CFI: variants seen among roughly 807,000 people sequenced by gnomAD.
CFI encodes C3B/C4B inactivator.
Under a neutral mutation model 78.8 loss-of-function variants are expected in CFI, and 66 were observed. That is an observed-to-expected ratio of 0.84 (90% CI 0.69 to 1.03). The LOEUF is 1.03. Among genes scored for constraint, CFI ranks in the 50% least tolerant of loss-of-function variants. CFI has a pLI of 0.00. For missense variants in CFI, 706 were observed against 704.5 expected, an observed-to-expected ratio of 1.00 and a Z score of -0.02; for synonymous variants, 250 against 232.6, an observed-to-expected ratio of 1.07 and a Z score of -0.68.
intron 7 of CFI, among the ~76,000 whole-genome samples, chr4:109,753,711 T>C (rs1479694712): frequency 9.2e-5 from 11 of 119,246 alleles, no homozygotes; most frequent in Admixed American, 2.0e-4. Flanking sequence ...TTATATTATA[T>C]ATTATATAAT....
intron 2 of CFI, 128 bp downstream of exon 2, chr4:109,766,426 T>C: frequency 2.0e-6 from 2 of 1,019,554 alleles, no homozygotes; most frequent in Non-Finnish European, 3.0e-6. Context: ...CAATTATTAT[T>C]GAGAGTCTAG....
chr4:109,778,724 A>T (rs951066221), intron 1 of CFI, among the ~76,000 whole-genome samples: 3 of 152,224 alleles, frequency 2.0e-5, no homozygotes, highest in Admixed American at 6.5e-5. Flanking sequence ...CTGATGCAAA[A>T]ATCCTCAATA....
chr4:109,764,621 T>G lies in CFI; in HGVS notation c.398A>C (p.Asp133Ala). ...GCATATGAACATTGTCTTATCTTGGTCCACAAGTTTTACTTCAACTATTCC... is the reference window on the plus strand; with the variant it reads ...GCATATGAACATTGTCTTATCTTGGGCCACAAGTTTTACTTCAACTATTCC... ...SEGIVEVKLV[D>A]QDKTMFICKS... Residue 133 changes from aspartate to alanine, a missense_variant, in exon 3 of 13, where the codon GAC (aspartate) becomes GCC (alanine). Physicochemically the swap from Asp to Ala is moderately radical, Grantham distance 126 (BLOSUM62 -2). Coordinates refer to ENST00000394634, the MANE Select transcript of CFI (RefSeq NM_000204.5). The G allele has an allele frequency of 1.2e-6, 2 of 1,614,110 alleles. No homozygotes were observed. Among genetic ancestry groups the G allele is most frequent in the Non-Finnish European group, 1.7e-6 (2 of 1,179,990 alleles).
At chr4:109,731,219 A>C in the CFI span, among the ~76,000 whole-genome samples, 1 of 151,990 alleles carries the variant, frequency 6.6e-6, no homozygotes, top group Non-Finnish European at 1.5e-5. Context: ...GGTGGCGGGC[A>C]CCTGTAATCC....
chr4:109,767,674 A>C (rs1179325980), intron 1 of CFI, among the ~76,000 whole-genome samples: 23 of 149,592 alleles, frequency 1.5e-4, no homozygotes, highest in Admixed American at 1.5e-3. Context: ...ACACTTTTAC[A>C]CTGTTGGTGG....
chr4:109,799,479 C>A (rs1406671836), intron 1 of CFI, among the ~76,000 whole-genome samples: 1 of 152,040 alleles, frequency 6.6e-6, no homozygotes, highest in African/African-American at 2.4e-5. Context: ...GTTTGCTGCA[C>A]CAGAGTTAGG....
rs1023416359 is a variant in CFI, at chr4:109,746,299, G to C, written c.1352C>G (p.Pro451Arg). 1 of 1,614,054 alleles carries C rather than the reference G, an allele frequency of 6.2e-7. No homozygotes were observed. Among genetic ancestry groups the C allele is most frequent in the African/African-American group, 1.3e-5 (1 of 74,934 alleles). ...GTAAGGAGACCAGGGGACACAGGCA[G>C]GGATGGAACGAGGCAGCTCACAATC... ...KKDCELPRSI[P>R]ACVPWSPYLF... Residue 451 changes from proline to arginine, a missense_variant, in exon 11 of 13, where the codon CCT (proline) becomes CGT (arginine). By Grantham distance (103) the Pro-to-Arg change is moderately radical. Transcript: ENST00000394634.
downstream of CFI, among the ~76,000 whole-genome samples, chr4:109,736,411 A>G (rs1723372347): frequency 6.6e-6 from 1 of 151,120 alleles, no homozygotes; most frequent in East Asian, 1.9e-4. Context: ...TTTCATCTCT[A>G]AAAGGGAACT....
At chr4:109,781,164 AT>A (rs1230638708) in intron 1 of CFI, among the ~76,000 whole-genome samples, 1 of 152,146 alleles carries the variant, frequency 6.6e-6, no homozygotes, top group Non-Finnish European at 1.5e-5. Context: ...TTCCAACTTG[AT>A]TTTCTTTTTG....
At chr4:109,750,076 A>C in intron 8 of CFI, among the ~76,000 whole-genome samples, 1 of 151,830 alleles carries the variant, frequency 6.6e-6, no homozygotes, top group Non-Finnish European at 1.5e-5. Flanking sequence ...AGCTCACTGC[A>C]ACCTCCGCCT....
intron 1 of CFI, chr4:109,794,442 C>A (rs994401147): frequency 6.6e-6 from 1 of 152,046 alleles, no homozygotes; most frequent in Non-Finnish European, 1.5e-5. Flanking sequence ...GAAAATTTTT[C>A]ATGTTTGTTA....
At chr4:109,742,454 A>C (rs1196497509) in intron 12 of CFI, 37 bp downstream of exon 12, 2 of 1,301,648 alleles carry the variant, frequency 1.5e-6, no homozygotes, top group Non-Finnish European at 2.2e-6. Flanking sequence ...GGAAATACAT[A>C]CATCTTGACA....
intron 3 of CFI, 193 bp downstream of exon 3, chr4:109,764,344 C>G: frequency 1.5e-6 from 1 of 648,572 alleles, no homozygotes; most frequent in Non-Finnish European, 2.7e-6. Flanking sequence ...ATTATCCATG[C>G]TTTGTTGTCA....
intron 8 of CFI, among the ~76,000 whole-genome samples, chr4:109,750,723 A>T (rs996730588): frequency 5.9e-5 from 9 of 152,188 alleles, no homozygotes; most frequent in Non-Finnish European, 1.0e-4. Context: ...TTAGCCCCAG[A>T]TGAGAAAGGA....
chr4:109,753,051 T>TATAAACAA (rs1489794288), intron 7 of CFI, among the ~76,000 whole-genome samples: 8 of 18,168 alleles, frequency 4.4e-4, no homozygotes, highest in African/African-American at 1.6e-3. Flanking sequence ...ATATTTATTA[T>TATAAACAA]ATATTTATAT....
intron 1 of CFI, among the ~76,000 whole-genome samples, chr4:109,789,164 AAT>A (rs1001903211): frequency 1.3e-5 from 2 of 152,006 alleles, no homozygotes; most frequent in African/African-American, 4.8e-5. Context: ...AATTTTAAAA[AAT>A]AAAAAAATTA....
intron 1 of CFI, chr4:109,793,498 G>C (rs1731637579): frequency 6.6e-6 from 1 of 152,050 alleles, no homozygotes; most frequent in South Asian, 2.1e-4. Flanking sequence ...CAGTATGCAG[G>C]GTTCTCTGAC....
downstream of CFI, among the ~76,000 whole-genome samples, chr4:109,737,911 T>C (rs10033900): frequency 0.53 from 81,232 of 151,972 alleles, 21,995 homozygotes; most frequent in African/African-American, 0.62. Context: ...CTCCTGCTGT[T>C]CCTGGTCTCT....
intron 10 of CFI, 80 bp downstream of exon 10, chr4:109,749,138 T>C: frequency 8.1e-7 from 1 of 1,229,042 alleles, no homozygotes; most frequent in East Asian, 2.3e-5. Context: ...TTTTCAGATA[T>C]GCTTTATCAT....
Sources: allele counts gnomAD v4.1 joint callset (sites outside exome capture counted in the v4.1 genomes callset), GRCh38; gene constraint gnomAD v4.1.1; transcripts MANE v1.5; gene names NCBI Gene and HGNC (gene_info 2026-07-23, HGNC 2026-07-21).